The following COL13A1 variants were observed in gnomAD, a reference collection of about 807,000 sequenced individuals.
The protein encoded by COL13A1 is collagen alpha-1(XIII) chain.
Under a neutral mutation model 130.9 loss-of-function variants are expected in COL13A1, and 89 were observed. The ratio of observed to expected loss-of-function variants is 0.68; its 90% CI spans 0.57 to 0.81. COL13A1 has a LOEUF of 0.81. Among genes scored for constraint, COL13A1 ranks in the 30% least tolerant of loss-of-function variants. The pLI, the probability that COL13A1 is intolerant of heterozygous loss-of-function variation, is 0.00. For synonymous variants in COL13A1, 402 were observed against 341.6 expected (o/e 1.18, Z -1.95); for missense variants, 879 against 934.6 (o/e 0.94, Z 0.78).
chr10:69,837,407 A>C (rs1427785371), intron 2 of COL13A1, among the ~76,000 whole-genome samples: 1 of 152,200 alleles, frequency 6.6e-6, no homozygotes, highest in Non-Finnish European at 1.5e-5. Flanking sequence ...ACGCCTTCTG[A>C]GGCCAAGAGC....
chr10:69,896,939 G>A (rs965567442), intron 13 of COL13A1, among the ~76,000 whole-genome samples: 22 of 152,174 alleles, frequency 1.4e-4, no homozygotes, highest in African/African-American at 4.3e-4. Context: ...TATGTTACCC[G>A]AAAGAAAGAC....
chr10:69,880,064 G>A (rs1413958237), intron 6 of COL13A1, among the ~76,000 whole-genome samples: 1 of 152,024 alleles, frequency 6.6e-6, no homozygotes, highest in Non-Finnish European at 1.5e-5. Flanking sequence ...TCCTGGGCTG[G>A]GCCGGGGAGA....
chr10:69,886,701 C>T (rs774799419), intron 7 of COL13A1, among the ~76,000 whole-genome samples: 3 of 152,222 alleles, frequency 2.0e-5, no homozygotes, highest in Non-Finnish European at 4.4e-5. Flanking sequence ...GGCCATCCCT[C>T]CTCAGCCCTG....
Position 69,887,415 on chromosome 10 carries a change from C to T in COL13A1, c.514-41C>T, listed in dbSNP as rs769734273. On this transcript the variant is annotated intron_variant, in intron 7 of 40. Transcript: ENST00000645393. ...GGCCTAGGGATTGGCTCTGTCTCCT[C>T]CTTGCTCAATCTCATGTGTCTCTTG... 5 of 1,606,180 alleles carry T rather than the reference C, an allele frequency of 3.1e-6. No homozygotes were observed. The South Asian group carries it at 5.5e-5, about 18-fold the overall frequency.
intron 34 of COL13A1, among the ~76,000 whole-genome samples, chr10:69,939,720 A>G (rs1163128829): frequency 6.6e-6 from 1 of 152,212 alleles, no homozygotes; most frequent in Non-Finnish European, 1.5e-5. Context: ...TTTGAATTGC[A>G]TCGGGCTGGG....
intron 36 of COL13A1, among the ~76,000 whole-genome samples, chr10:69,944,725 GA>G (rs5785958): frequency 0.12 from 17,436 of 150,756 alleles, 1,135 homozygotes; most frequent in Middle Eastern, 0.3. Flanking sequence ...AAGAGGAAAA[GA>G]AAAAAAAAGG....
chr10:69,808,284 T>C (rs552885813), intron 1 of COL13A1, among the ~76,000 whole-genome samples: 5 of 152,330 alleles, frequency 3.3e-5, no homozygotes, highest in African/African-American at 1.2e-4. Flanking sequence ...TTTCCCCTTC[T>C]TCTTAATCAC....
At chr10:69,821,996 A>G (rs1846192899) in intron 1 of COL13A1, among the ~76,000 whole-genome samples, 1 of 152,230 alleles carries the variant, frequency 6.6e-6, no homozygotes, top group Non-Finnish European at 1.5e-5. Flanking sequence ...GTCCCTGCCC[A>G]GGGGTCCATC....
intron 2 of COL13A1, among the ~76,000 whole-genome samples, chr10:69,846,113 TA>T (rs1852977081): frequency 6.6e-6 from 1 of 152,238 alleles, no homozygotes; most frequent in Non-Finnish European, 1.5e-5. Context: ...AATAAACTTT[TA>T]TGAAGGCTTT....
rs200882700 is a variant in COL13A1, at chr10:69,945,751, T to G, written c.2022+27T>G. 1.9e-4 allele frequency: 311 copies of G among 1,601,236 alleles called. 1 individual carries two copies. The African/African-American group carries it at 3.5e-3, about 18-fold the overall frequency. The stretch of plus-strand genomic sequence containing the variant: ...TGAGTCTCTTGGGATCAGAGGTTCC[T>G]CTCCTCCCACCCCTGCCCCCATTAG... On this transcript the variant is annotated intron_variant, in intron 37 of 40. Coordinates refer to ENST00000645393, the MANE Select transcript of COL13A1 (RefSeq NM_001368882.1).
Position 69,936,657 on chromosome 10 carries a change from C to T in COL13A1, c.1771-99C>T, listed in dbSNP as rs12571041. The T allele has an allele frequency of 0.19, 270,838 of 1,443,104 alleles. 28,401 individuals carry two copies. Among genetic ancestry groups the T allele is most frequent in the East Asian group, 0.38 (16,512 of 43,186 alleles). The allele number at this position is 1,443,104 out of a possible 1,614,324, so 89.4% of individuals were successfully genotyped here. On this transcript the variant is annotated intron_variant, in intron 32 of 40. Transcript: ENST00000645393. The stretch of plus-strand genomic sequence containing the variant: ...GGCAGGGACCCCAAACCATACTCTG[C>T]ACCCAAAACCCTTGTTCTTCTGTGA...
chr10:69,836,995 G>A (rs1009666934), intron 2 of COL13A1, among the ~76,000 whole-genome samples: 5 of 152,174 alleles, frequency 3.3e-5, no homozygotes, highest in Non-Finnish European at 7.4e-5. Flanking sequence ...CCTCCCAGGG[G>A]CAGCAGGTAC....
chr10:69,805,011 C>T (rs1323623503), intron 1 of COL13A1, among the ~76,000 whole-genome samples: 1 of 151,938 alleles, frequency 6.6e-6, no homozygotes, highest in Non-Finnish European at 1.5e-5. Context: ...AAGCCTTGTT[C>T]TAAGGGGACA....
chr10:69,924,780 A>T (rs1053866236), intron 24 of COL13A1, among the ~76,000 whole-genome samples, 183 bp from the exon 25 acceptor site: 1 of 151,914 alleles, frequency 6.6e-6, no homozygotes, highest in Non-Finnish European at 1.5e-5. Flanking sequence ...GCCCAGAGGG[A>T]CTCAGAGGGA....
At chr10:69,908,715 C>T (rs1474122822) in intron 17 of COL13A1, among the ~76,000 whole-genome samples, 1 of 152,120 alleles carries the variant, frequency 6.6e-6, no homozygotes, top group Non-Finnish European at 1.5e-5. Context: ...AACATGTAAC[C>T]CAGGCTACAT....
intron 1 of COL13A1, among the ~76,000 whole-genome samples, chr10:69,803,000 G>GGGCGCGCGGA (rs1840470465): frequency 6.6e-6 from 1 of 152,214 alleles, no homozygotes; most frequent in Non-Finnish European, 1.5e-5. Flanking sequence ...GAGGAAGGCT[G>GGGCGCGCGGA]GGCGCGCGGA....
intron 2 of COL13A1, among the ~76,000 whole-genome samples, chr10:69,850,827 G>A (rs1564841687): frequency 6.6e-6 from 1 of 152,258 alleles, no homozygotes; most frequent in Admixed American, 6.5e-5. Flanking sequence ...TTCTGGAACG[G>A]GGATGGCCCC....
At chr10:69,956,032 T>C (rs1224989651) in intron 39 of COL13A1, 1 of 152,168 alleles carries the variant, frequency 6.6e-6, no homozygotes, top group East Asian at 1.9e-4. Flanking sequence ...AGCAGAGGAC[T>C]CTCATTCCAC....
intron 4 of COL13A1, among the ~76,000 whole-genome samples, chr10:69,873,793 G>A (rs1404911017): frequency 6.6e-6 from 1 of 152,182 alleles, no homozygotes; most frequent in East Asian, 1.9e-4. Flanking sequence ...GGTCCTAGGA[G>A]TAACACTCAA....
Sources: gnomAD v4.1 joint callset for allele counts (sites outside exome capture counted in the v4.1 genomes callset) on GRCh38, gnomAD v4.1.1 for gene constraint, MANE v1.5 for transcripts, NCBI Gene and HGNC (gene_info 2026-07-23, HGNC 2026-07-21) for gene names.